Variants in CREM observed in about 807,000 individuals in gnomAD.
CREM encodes the protein cAMP responsive element modulator, also known as cAMP-responsive element modulator.
A neutral mutation model predicts 37.3 loss-of-function variants in CREM; 13 were observed. The observed-to-expected ratio is 0.35, with a 90% CI of 0.23 to 0.55. CREM has a LOEUF of 0.55. Ranked by LOEUF, CREM falls within the 20% of genes least tolerant of loss-of-function variation. The pLI is 0.88. For missense variants in CREM, 296 were observed against 362.3 expected, an observed-to-expected ratio of 0.82 and a Z score of 1.49; for synonymous variants, 124 against 120.2, an observed-to-expected ratio of 1.03 and a Z score of -0.21.
intron 3 of CREM, chr10:35,148,796 T>C (rs769118584): frequency 1.2e-4 from 27 of 217,124 alleles, no homozygotes; most frequent in Non-Finnish European, 2.4e-4. Flanking sequence ...ACAGTTCTGA[T>C]GTCCTTAGCT....
chr10:35,179,057 A>G (rs1185260507), intron 4 of CREM, 71 bp downstream of exon 4: 8 of 1,535,694 alleles, frequency 5.2e-6, no homozygotes, highest in Admixed American at 3.8e-5. Context: ...CATCAAATCA[A>G]TTCTTCCTTT....
chr10:35,128,082 C>T (rs1169370227), intron 1 of CREM, among the ~76,000 whole-genome samples: 1 of 152,182 alleles, frequency 6.6e-6, no homozygotes, highest in African/African-American at 2.4e-5. Context: ...TGACCTTCCA[C>T]CCACCTCGGC....
chr10:35,168,926 C>T (rs2093676739), intron 3 of CREM, among the ~76,000 whole-genome samples: 2 of 152,142 alleles, frequency 1.3e-5, no homozygotes, highest in African/African-American at 4.8e-5. Context: ...GGTATTACTT[C>T]TGAGGGCTCT....
At chr10:35,169,893 G>A (rs563200763) in intron 3 of CREM, among the ~76,000 whole-genome samples, 2 of 150,980 alleles carry the variant, frequency 1.3e-5, no homozygotes, top group South Asian at 2.1e-4. Context: ...GCTGGATTAC[G>A]TTTATTGATT....
At chr10:35,139,664 T>C (rs1457392866) in intron 2 of CREM, among the ~76,000 whole-genome samples, 1 of 152,254 alleles carries the variant, frequency 6.6e-6, no homozygotes, top group African/African-American at 2.4e-5. Flanking sequence ...CTATTAGTTT[T>C]AGTACAACTA....
chr10:35,197,399 A>C (rs866547151), intron 6 of CREM, among the ~76,000 whole-genome samples: 1 of 150,914 alleles, frequency 6.6e-6, no homozygotes, highest in Non-Finnish European at 1.5e-5. Flanking sequence ...ATGAGTAATA[A>C]ATTTTATTTC....
At chr10:35,204,340 G>A (rs1005404381) in intron 6 of CREM, among the ~76,000 whole-genome samples, 5 of 152,064 alleles carry the variant, frequency 3.3e-5, no homozygotes, top group African/African-American at 1.2e-4. Flanking sequence ...AGTGGCTCAC[G>A]CCTGTAATCT....
intron 3 of CREM, among the ~76,000 whole-genome samples, chr10:35,177,528 G>T (rs1397604107): frequency 6.6e-6 from 1 of 152,144 alleles, no homozygotes; most frequent in Non-Finnish European, 1.5e-5. Context: ...TGAGGCCCTG[G>T]CCTCAAGTGA....
intron 5 of CREM, among the ~76,000 whole-genome samples, chr10:35,182,225 A>G (rs2094383317): frequency 6.6e-6 from 1 of 152,206 alleles, no homozygotes; most frequent in African/African-American, 2.4e-5. Context: ...CTTATTTTTT[A>G]TAGAACTAAC....
chr10:35,192,973 A>T (rs2094980652), intron 6 of CREM, among the ~76,000 whole-genome samples: 1 of 152,014 alleles, frequency 6.6e-6, no homozygotes, highest in Non-Finnish European at 1.5e-5. Context: ...ATTTCCTGGG[A>T]TAGGCCATGC....
At chr10:35,198,335 C>T (rs1033046088) in intron 6 of CREM, among the ~76,000 whole-genome samples, 6 of 152,056 alleles carry the variant, frequency 3.9e-5, no homozygotes, top group South Asian at 2.1e-4. Context: ...CCAGCCTGGC[C>T]AACATGGTGA....
intron 5 of CREM, among the ~76,000 whole-genome samples, chr10:35,186,845 C>G (rs553563388): frequency 0.15 from 15,736 of 104,362 alleles, 1,245 homozygotes; most frequent in Middle Eastern, 0.21. Context: ...GGTATATATA[C>G]GTATATATGT....
intron 2 of CREM, among the ~76,000 whole-genome samples, chr10:35,143,914 T>C (rs546692327): frequency 3.0e-4 from 46 of 152,208 alleles, no homozygotes; most frequent in African/African-American, 1.0e-3. Flanking sequence ...TGCTGGAATT[T>C]GGAAGGAGAA....
rs755346866 is a variant in CREM, at chr10:35,147,041, GTTTTTTTTTTTT to G, written c.45-1311_45-1300del. ...GGAGTAGTTTCTATAAGTTTTTTGG[GTTTTTTTTTTTT>G]TTTTTTTTTTTTTTTAAGACGGAGT... On this transcript the variant is annotated intron_variant, in intron 2 of 7. Coordinates refer to ENST00000685392, the MANE Select transcript of CREM (RefSeq NM_183011.2). Among the ~76,000 whole-genome samples the G allele has an allele frequency of 2.1e-3, 256 of 121,006 alleles. 1 individual carries two copies. Among genetic ancestry groups the G allele is most frequent in the East Asian group, 6.2e-3 (23 of 3,690 alleles). 79.4% of individuals were successfully genotyped at this position (121,006 alleles called of 152,430 possible).
At chr10:35,143,832 T>A (rs1030524851) in intron 2 of CREM, among the ~76,000 whole-genome samples, 6 of 152,016 alleles carry the variant, frequency 3.9e-5, no homozygotes, top group Non-Finnish European at 7.4e-5. Flanking sequence ...TGACCTTGAT[T>A]GGGTGTGGGA....
At chr10:35,173,466 G>A (rs572444396) in intron 3 of CREM, among the ~76,000 whole-genome samples, 1 of 152,246 alleles carries the variant, frequency 6.6e-6, no homozygotes, top group Admixed American at 6.5e-5. Flanking sequence ...TTGTAAAAAT[G>A]TAAAACAGTG....
intron 1 of CREM, among the ~76,000 whole-genome samples, chr10:35,137,332 A>G (rs779132146): frequency 1.5e-4 from 23 of 152,190 alleles, no homozygotes; most frequent in Non-Finnish European, 1.5e-5. Context: ...AATTTAAGGT[A>G]AATGAAAACT....
At chr10:35,195,974 G>T in intron 6 of CREM, 1 of 1,441,362 alleles carries the variant, frequency 6.9e-7, no homozygotes. Flanking sequence ...CTTTTAGACT[G>T]AATAGCTTTT....
Position 35,135,740 on chromosome 10 carries a change from AAAAG to A in CREM, c.-54-2040_-54-2037del, listed in dbSNP as rs58336547. On this transcript the variant is annotated intron_variant, in intron 1 of 7. Transcript: ENST00000685392. Reference sequence around the variant, plus strand: ...TTTCTGGAAAAAAAAAAAAAAAAAAAAAAGAGAGACATTAAAAAAAAATGAGACA... The same window carrying A: ...TTTCTGGAAAAAAAAAAAAAAAAAAAAGAGACATTAAAAAAAAATGAGACA... Among the ~76,000 whole-genome samples the A allele has an allele frequency of 4.1e-4, 32 of 78,782 alleles. 1 individual carries two copies. Among genetic ancestry groups the A allele is most frequent in the African/African-American group, 9.1e-4 (27 of 29,760 alleles). 51.7% of individuals were successfully genotyped at this position (78,782 alleles called of 152,430 possible). A position where few individuals can be genotyped will look rare whatever the true frequency, so the allele number is the denominator to read the frequency against.
Sources: allele counts gnomAD v4.1 joint callset (sites outside exome capture counted in the v4.1 genomes callset), GRCh38; gene constraint gnomAD v4.1.1; transcripts MANE v1.5; gene names NCBI Gene and HGNC (gene_info 2026-07-23, HGNC 2026-07-21).